Variants in RAD51B observed in about 807,000 individuals in gnomAD.
RAD51B encodes the protein DNA repair protein RAD51 homolog 2.
A neutral mutation model predicts 42.2 loss-of-function variants in RAD51B; 38 were observed. The observed-to-expected ratio is 0.90, with a 90% CI of 0.70 to 1.18. RAD51B has a LOEUF of 1.18. Among genes scored for constraint, RAD51B ranks in the 50% most tolerant of loss-of-function variants. The pLI, the probability that RAD51B is intolerant of heterozygous loss-of-function variation, is 0.00. For synonymous variants in RAD51B, 154 were observed against 145.2 expected, an observed-to-expected ratio of 1.06 and a Z score of -0.43; for missense variants, 373 against 400.7, an observed-to-expected ratio of 0.93 and a Z score of 0.59.
intron 7 of RAD51B, among the ~76,000 whole-genome samples, chr14:68,057,641 A>T (rs937513197): frequency 6.6e-6 from 1 of 152,108 alleles, no homozygotes; most frequent in Non-Finnish European, 1.5e-5. Context: ...ATGCTTTCAG[A>T]ATCTCTTAGC....
chr14:68,241,585 A>G (rs959258084), intron 7 of RAD51B, among the ~76,000 whole-genome samples: 4 of 152,224 alleles, frequency 2.6e-5, no homozygotes, highest in Non-Finnish European at 5.9e-5. Context: ...TGGTGTCATG[A>G]TAAAATATTT....
chr14:67,924,267 G>A (rs764955545), intron 7 of RAD51B, among the ~76,000 whole-genome samples: 17 of 151,938 alleles, frequency 1.1e-4, no homozygotes, highest in African/African-American at 2.2e-4. Flanking sequence ...TTTTAGTTGC[G>A]TTTATTTTTG....
chr14:68,606,392 A>G lies in RAD51B; in HGVS notation c.1037-4614A>G, dbSNP rs370076439. ...CTCTGCAGAACCGGAAACAGATGGCAGCAAGCACCACGTGTCCTTGAAGTT... is the reference window on the plus strand; with the variant it reads ...CTCTGCAGAACCGGAAACAGATGGCGGCAAGCACCACGTGTCCTTGAAGTT... On this transcript the variant is annotated intron_variant, in intron 10 of 10. Transcript: ENST00000487861. Among the ~76,000 whole-genome samples the G allele has an allele frequency of 9.2e-5, 14 of 152,380 alleles. No homozygotes were observed. The East Asian group carries it at 2.7e-3, about 29-fold the overall frequency.
intron 8 of RAD51B, among the ~76,000 whole-genome samples, chr14:68,326,596 A>AT (rs2082257191): frequency 6.6e-6 from 1 of 152,310 alleles, no homozygotes; most frequent in African/African-American, 2.4e-5. Context: ...AAGGCTTTTG[A>AT]TTATAAACCT....
intron 7 of RAD51B, among the ~76,000 whole-genome samples, chr14:68,070,468 A>G (rs1382609325): frequency 6.6e-6 from 1 of 152,130 alleles, no homozygotes; most frequent in Non-Finnish European, 1.5e-5. Context: ...CAGTGAAGGT[A>G]AGGATCCAGT....
intron 7 of RAD51B, among the ~76,000 whole-genome samples, chr14:68,274,479 T>C (rs1414962558): frequency 6.6e-6 from 1 of 152,206 alleles, no homozygotes; most frequent in Non-Finnish European, 1.5e-5. Flanking sequence ...AATTCATTAA[T>C]ATCATCCAAT....
intron 10 of RAD51B, among the ~76,000 whole-genome samples, chr14:68,505,016 G>C (rs771054112): frequency 2.0e-5 from 3 of 152,140 alleles, no homozygotes; most frequent in Non-Finnish European, 4.4e-5. Context: ...AAACTCAGGC[G>C]AATTTGAAAG....
chr14:68,345,446 G>T (rs1210130111), intron 8 of RAD51B, among the ~76,000 whole-genome samples: 2 of 152,060 alleles, frequency 1.3e-5, no homozygotes, highest in African/African-American at 2.4e-5. Flanking sequence ...TTGCTCTGGT[G>T]GTTAACATGA....
intron 7 of RAD51B, among the ~76,000 whole-genome samples, chr14:67,948,758 C>A (rs1280772542): frequency 1.3e-5 from 2 of 151,348 alleles, no homozygotes; most frequent in African/African-American, 4.9e-5. Context: ...GGTGAAACCC[C>A]GTTTCTACTA....
chr14:68,224,541 A>G (rs1380501632), intron 7 of RAD51B, among the ~76,000 whole-genome samples: 4 of 152,178 alleles, frequency 2.6e-5, no homozygotes, highest in Non-Finnish European at 4.4e-5. Context: ...TGATCTATTC[A>G]TATTTATTCA....
chr14:68,479,219 T>C (rs970824561), downstream of RAD51B, among the ~76,000 whole-genome samples: 1 of 152,330 alleles, frequency 6.6e-6, no homozygotes, highest in African/African-American at 2.4e-5. Flanking sequence ...GTTTTCGTAT[T>C]TAATCAGGAA....
chr14:68,594,816 C>T, exon 11 of RAD51B: 1 of 1,224,806 alleles, frequency 8.2e-7, no homozygotes, highest in Non-Finnish European at 1.0e-6. Context: ...AATGGAGTGA[C>T]AGGTGACCTG....
intron 7 of RAD51B, among the ~76,000 whole-genome samples, chr14:67,948,128 A>G (rs1341218750): frequency 6.6e-6 from 1 of 152,198 alleles, no homozygotes; most frequent in East Asian, 1.9e-4. Flanking sequence ...TAGTGTTCCT[A>G]TTGCATACTA....
chr14:68,290,347 G>T (rs1388490671), intron 7 of RAD51B, among the ~76,000 whole-genome samples: 1 of 152,110 alleles, frequency 6.6e-6, no homozygotes, highest in Non-Finnish European at 1.5e-5. Context: ...TCTAAACCTT[G>T]GAAAATGATT....
intron 7 of RAD51B, among the ~76,000 whole-genome samples, chr14:68,227,442 AATGGCAGT>A: frequency 6.6e-6 from 1 of 152,332 alleles, no homozygotes; most frequent in East Asian, 1.9e-4. Context: ...CATTCTGTGA[AATGGCAGT>A]AATACTGATA....
At chr14:68,426,004 C>CT (rs1393936050) in intron 9 of RAD51B, among the ~76,000 whole-genome samples, 75 of 133,228 alleles carry the variant, frequency 5.6e-4, no homozygotes, top group African/African-American at 2.4e-3. Flanking sequence ...TCCTTCCTTC[C>CT]TTCCTTTCTT....
intron 10 of RAD51B, among the ~76,000 whole-genome samples, chr14:68,504,504 T>C (rs916339391): frequency 6.6e-6 from 1 of 152,142 alleles, no homozygotes; most frequent in African/African-American, 2.4e-5. Flanking sequence ...GTGCCTCTGA[T>C]CATGAAGACT....
chr14:68,222,994 G>A lies in RAD51B; in HGVS notation c.757-68890G>A, dbSNP rs372358408. On this transcript the variant is annotated intron_variant, in intron 7 of 10. Transcript: ENST00000471583. ...CTCTTCTCCTGAGCTCCAGCCCCACGTGTCCAAGTGTCTGCTGGGAATCTC... is the reference window on the plus strand; with the variant it reads ...CTCTTCTCCTGAGCTCCAGCCCCACATGTCCAAGTGTCTGCTGGGAATCTC... Among the ~76,000 whole-genome samples, 9 of 152,154 alleles carry A rather than the reference G, an allele frequency of 5.9e-5. No homozygotes were observed. In the East Asian group the frequency reaches 1.5e-3, roughly 26 times the overall value.
chr14:68,360,758 A>G (rs74059304), intron 8 of RAD51B, among the ~76,000 whole-genome samples: 15,065 of 152,280 alleles, frequency 0.099, 842 homozygotes, highest in African/African-American at 0.14. Context: ...TTACATGACA[A>G]GGGAGTCTTC....
Sources: gnomAD v4.1 joint callset for allele counts (sites outside exome capture counted in the v4.1 genomes callset) on GRCh38, gnomAD v4.1.1 for gene constraint, MANE v1.5 for transcripts, NCBI Gene and HGNC (gene_info 2026-07-23, HGNC 2026-07-21) for gene names.